MALRD1: variants seen among roughly 807,000 people sequenced by gnomAD.
MALRD1 encodes MAM and LDL receptor class A domain containing 1.
A neutral mutation model predicts 242.1 loss-of-function variants in MALRD1; 247 were observed. The observed-to-expected ratio is 1.02, with a 90% CI of 0.92 to 1.13. The LOEUF (loss-of-function observed/expected upper bound fraction) is 1.13, where lower values mean the gene tolerates loss of function less well. MALRD1 is among the 50% of genes most tolerant of loss of function. The pLI is 0.00. For synonymous variants in MALRD1, 995 were observed against 866.6 expected (o/e 1.15, Z -2.60); for missense variants, 2,989 against 2,533.1 (o/e 1.18, Z -3.86).
At chr10:19,264,561 C>T (rs1687908271) in intron 19 of MALRD1, among the ~76,000 whole-genome samples, 1 of 151,470 alleles carries the variant, frequency 6.6e-6, no homozygotes, top group African/African-American at 2.4e-5. Flanking sequence ...TCACGCCATT[C>T]TCCAGCCTCA....
At position 19,055,172 on chromosome 10, in the gene MALRD1, T is replaced by A. The variant is rs186160062; in HGVS notation, c.199+6035T>A. Among the ~76,000 whole-genome samples the A allele has an allele frequency of 5.9e-5, 9 of 152,318 alleles. No homozygotes were observed. The East Asian group carries it at 1.7e-3, about 29-fold the overall frequency. On this transcript the variant is annotated intron_variant, in intron 1 of 39. Coordinates refer to ENST00000454679, the MANE Select transcript of MALRD1 (RefSeq NM_001142308.3). ...TTAGTAATACTGAAAAATTTTTTAA[T>A]GTACCTATTGAACATTTGTATGTCT...
intron 12 of MALRD1, among the ~76,000 whole-genome samples, chr10:19,161,898 C>G (rs1021395250): frequency 4.6e-5 from 7 of 151,918 alleles, no homozygotes; most frequent in African/African-American, 1.7e-4. Flanking sequence ...CGTGGTAGCA[C>G]GTGCCTGTAG....
chr10:19,108,015 G>A (rs1358013512), intron 5 of MALRD1, among the ~76,000 whole-genome samples: 3 of 152,014 alleles, frequency 2.0e-5, no homozygotes, highest in Non-Finnish European at 4.4e-5. Flanking sequence ...GGGCTTTGTG[G>A]ATATGGATGT....
At position 19,450,328 on chromosome 10, in the gene MALRD1, G is replaced by A. The variant is rs538210036; in HGVS notation, c.4867G>A (p.Val1623Ile). The A allele has an allele frequency of 6.5e-7, 1 of 1,548,594 alleles. No individual in the cohort carries two copies. Among genetic ancestry groups the A allele is most frequent in the African/African-American group, 1.4e-5 (1 of 73,092 alleles). The change falls in exon 29 of 40, where the codon GTA becomes ATA. Residue 1623 changes from valine to isoleucine, a missense_variant. By Grantham distance (29) the Val-to-Ile change is conservative. Transcript: ENST00000454679. ...TCAGACAGAGAAAGGACTATCAAAAGTATGGCAAGAAAGTAAGCAGAACCC... is the reference window on the plus strand; with the variant it reads ...TCAGACAGAGAAAGGACTATCAAAAATATGGCAAGAAAGTAAGCAGAACCC... ...LIKTEKGLSK[V>I]WQESKQNPGN...
chr10:19,376,151 AAAAC>A (rs1412982366), intron 26 of MALRD1, among the ~76,000 whole-genome samples: 1 of 152,192 alleles, frequency 6.6e-6, no homozygotes, highest in Non-Finnish European at 1.5e-5. Context: ...AGCAAAAACA[AAAAC>A]AAAAAAAACT....
chr10:19,153,928 C>T (rs1281339624), intron 11 of MALRD1, among the ~76,000 whole-genome samples: 7 of 152,006 alleles, frequency 4.6e-5, no homozygotes, highest in Non-Finnish European at 8.8e-5. Flanking sequence ...CTTTGAATAT[C>T]GGTTCATTTG....
chr10:19,225,246 T>G (rs1165607051), intron 18 of MALRD1, among the ~76,000 whole-genome samples: 1 of 152,140 alleles, frequency 6.6e-6, no homozygotes, highest in Non-Finnish European at 1.5e-5. Context: ...TACTGATCCT[T>G]GAGTTCAGTC....
chr10:19,274,961 A>AT (rs1297150960), intron 19 of MALRD1, among the ~76,000 whole-genome samples: 1 of 152,168 alleles, frequency 6.6e-6, no homozygotes, highest in Non-Finnish European at 1.5e-5. Flanking sequence ...ATTAGAAAAC[A>AT]AACATGAGAA....
chr10:19,124,596 G>A lies in MALRD1; in HGVS notation c.869G>A (p.Trp290Ter), dbSNP rs1364551900. ...GAAGCATCTGCTGGCCAAATTTCCTGGATGCGCACAAAAGCGAGAGAGATC... is the reference window on the plus strand; with the variant it reads ...GAAGCATCTGCTGGCCAAATTTCCTAGATGCGCACAAAAGCGAGAGAGATC... ...TSEASAGQIS[W>*]MRTKAREIPA... The change falls in exon 7 of 40, where the codon TGG (tryptophan) becomes TAG (stop). Residue 290 changes from tryptophan (W) to a stop codon, truncating the protein, a stop_gained. Coordinates refer to ENST00000454679, the MANE Select transcript of MALRD1 (RefSeq NM_001142308.3). LOFTEE classifies it high-confidence loss of function. 9 of 1,233,648 alleles carry A rather than the reference G, an allele frequency of 7.3e-6. No homozygotes were observed. Among genetic ancestry groups the A allele is most frequent in the African/African-American group, 3.1e-5 (2 of 64,422 alleles). 76.4% of individuals were successfully genotyped at this position (1,233,648 alleles called of 1,614,324 possible). A position where few individuals can be genotyped will look rare whatever the true frequency, so the allele number is the denominator to read the frequency against.
chr10:19,145,047 T>G (rs770035527), intron 10 of MALRD1, among the ~76,000 whole-genome samples: 9 of 152,182 alleles, frequency 5.9e-5, no homozygotes, highest in Non-Finnish European at 1.0e-4. Flanking sequence ...AGCTTTTAAA[T>G]TAATTGTATT....
At chr10:19,522,755 T>A (rs141384202) in intron 31 of MALRD1, among the ~76,000 whole-genome samples, 1 of 152,166 alleles carries the variant, frequency 6.6e-6, no homozygotes, top group Non-Finnish European at 1.5e-5. Context: ...GATTAAGAAA[T>A]TTTCCCAAAG....
chr10:19,327,569 A>C lies in MALRD1; in HGVS notation c.3583A>C (p.Ile1195Leu), dbSNP rs143588256. 9 of 1,549,242 alleles carry C rather than the reference A, an allele frequency of 5.8e-6. No homozygotes were observed. Among genetic ancestry groups the C allele is most frequent in the Non-Finnish European group, 7.9e-6 (9 of 1,145,882 alleles). The change falls in exon 23 of 40, where the codon ATC becomes CTC. Residue 1195 changes from isoleucine to leucine, a missense_variant. Ile to Leu is a conservative substitution (Grantham distance 5). Transcript: ENST00000454679. Reference protein sequence around the residue: ...GATVGSLQVLIKKDNVTSKLW... With the variant: ...GATVGSLQVLLKKDNVTSKLW... The stretch of plus-strand genomic sequence containing the variant: ...ACTTGATTTATCTCTATAGGTGCTC[A>C]TCAAGAAAGATAACGTTACTTCTAA...
chr10:19,661,368 A>G (rs1841422172), intron 36 of MALRD1, among the ~76,000 whole-genome samples: 1 of 152,208 alleles, frequency 6.6e-6, no homozygotes, highest in African/African-American at 2.4e-5. Flanking sequence ...CACAATAGCA[A>G]AGACTTGGAA....
Position 19,205,064 on chromosome 10 carries a change from G to T in MALRD1, c.2377G>T (p.Asp793Tyr), listed in dbSNP as rs4601653. ...RLSQPFHLSL[D>Y]KVSLGIYDGV... ...TTCGCAGCCCTTCCATTTGTCACTA[G>T]ATAAAGTCAGTCTGGGCATTTATGA... The change falls in exon 17 of 40, where the codon GAT becomes TAT. Residue 793 changes from aspartate to tyrosine, a missense_variant. By Grantham distance (160) the Asp-to-Tyr change is radical. Transcript: ENST00000454679. The T allele has an allele frequency of 6.4e-7, 1 of 1,550,508 alleles. No individual in the cohort carries two copies. Among genetic ancestry groups the T allele is most frequent in the African/African-American group, 1.4e-5 (1 of 73,004 alleles).
intron 26 of MALRD1, among the ~76,000 whole-genome samples, chr10:19,376,224 C>G (rs141040714): frequency 6.6e-6 from 1 of 152,210 alleles, no homozygotes. Context: ...TTGCCCTCAG[C>G]GTCTTCAAAT....
At chr10:19,555,724 C>G (rs1835690388) in intron 32 of MALRD1, among the ~76,000 whole-genome samples, 1 of 152,120 alleles carries the variant, frequency 6.6e-6, no homozygotes, top group Non-Finnish European at 1.5e-5. Flanking sequence ...TAAATTAATT[C>G]TAAAGTGCCC....
chr10:19,250,820 C>CCT (rs141827654), intron 18 of MALRD1, among the ~76,000 whole-genome samples: 1,969 of 150,186 alleles, frequency 0.013, 55 homozygotes, highest in Admixed American at 0.061. Context: ...CGTCTCTCTG[C>CCT]CTCTCTCTCT....
chr10:19,165,401 C>G (rs1834646327), intron 12 of MALRD1, among the ~76,000 whole-genome samples: 1 of 151,390 alleles, frequency 6.6e-6, no homozygotes, highest in African/African-American at 2.4e-5. Context: ...CTTCTGGGTT[C>G]AAGTGATTCT....
intron 36 of MALRD1, among the ~76,000 whole-genome samples, chr10:19,657,316 A>G (rs956053831): frequency 6.6e-6 from 1 of 152,098 alleles, no homozygotes; most frequent in Admixed American, 6.6e-5. Context: ...CTAACTGTGT[A>G]CATTCTTCCA....
Sources: allele counts gnomAD v4.1 joint callset (sites outside exome capture counted in the v4.1 genomes callset), GRCh38; gene constraint gnomAD v4.1.1; transcripts MANE v1.5; gene names NCBI Gene and HGNC (gene_info 2026-07-23, HGNC 2026-07-21).